Variants in PCDHGA1 observed in about 807,000 individuals in gnomAD.
The protein encoded by PCDHGA1 is protocadherin gamma subfamily A, 1.
PCDHGA1 carries 32 observed loss-of-function variants against 58.0 expected under a neutral mutation model. The observed-to-expected ratio is 0.55, with a 90% CI of 0.42 to 0.74. PCDHGA1 has a LOEUF of 0.74. Ranked by LOEUF, PCDHGA1 falls within the 30% of genes least tolerant of loss-of-function variation. The probability of loss-of-function intolerance (pLI) is 0.00; values close to 1 mark genes in which losing one functional copy is unlikely to be tolerated. For synonymous variants in PCDHGA1, 498 were observed against 501.1 expected (o/e 0.99, Z 0.08); for missense variants, 1,205 against 1,182.3 (o/e 1.02, Z -0.28).
At chr5:141,417,626 T>G in intron 1 of PCDHGA1, 2 of 689,576 alleles carry the variant, frequency 2.9e-6, no homozygotes, top group East Asian at 2.9e-5. Flanking sequence ...GAGCAAGCGC[T>G]GACGCCGGGG....
At chr5:141,375,581 C>A in intron 1 of PCDHGA1, 2 of 1,614,174 alleles carry the variant, frequency 1.2e-6, no homozygotes, top group Non-Finnish European at 8.5e-7. Context: ...CCAGGGGGCG[C>A]CCCTGTCCTC....
intron 1 of PCDHGA1, chr5:141,408,218 G>A: frequency 6.4e-7 from 1 of 1,557,454 alleles, no homozygotes; most frequent in South Asian, 1.2e-5. Context: ...AGGGAGCTGC[G>A]CGCAGAGGCG....
At chr5:141,445,575 G>A (rs571896159) in intron 1 of PCDHGA1, among the ~76,000 whole-genome samples, 18 of 152,262 alleles carry the variant, frequency 1.2e-4, no homozygotes, top group African/African-American at 4.3e-4. Flanking sequence ...CTTATAGTAG[G>A]GAAGCTTCGC....
At chr5:141,340,557 A>T (rs1416279472) in intron 1 of PCDHGA1, 1 of 1,614,102 alleles carries the variant, frequency 6.2e-7, no homozygotes, top group African/African-American at 1.3e-5. Flanking sequence ...CGAGACTTGC[A>T]AGTGTGGGTG....
intron 1 of PCDHGA1, among the ~76,000 whole-genome samples, chr5:141,451,435 G>T (rs947210577): frequency 6.6e-6 from 1 of 152,234 alleles, no homozygotes; most frequent in Non-Finnish European, 1.5e-5. Flanking sequence ...AAGGGTTCCA[G>T]TTCCTTGCTG....
chr5:141,384,753 G>A, intron 1 of PCDHGA1: 2 of 1,614,010 alleles, frequency 1.2e-6, no homozygotes, highest in Non-Finnish European at 1.7e-6. Flanking sequence ...GACTCTTTGC[G>A]GTTGGGCTGT....
At chr5:141,346,477 T>G (rs1757758102) in intron 1 of PCDHGA1, 4 of 1,613,540 alleles carry the variant, frequency 2.5e-6, no homozygotes, top group African/African-American at 1.3e-5. Flanking sequence ...TTTATTTCTT[T>G]GATTATTAAG....
At chr5:141,400,943 T>G (rs1253479872) in intron 1 of PCDHGA1, among the ~76,000 whole-genome samples, 1 of 152,260 alleles carries the variant, frequency 6.6e-6, no homozygotes, top group East Asian at 1.9e-4. Flanking sequence ...CTTTCTTCAC[T>G]GATTTCACTG....
At chr5:141,428,081 C>G (rs768842388) in intron 1 of PCDHGA1, 3 of 1,609,218 alleles carry the variant, frequency 1.9e-6, no homozygotes, top group South Asian at 2.2e-5. Context: ...CGGGACACAA[C>G]GCTTGGCTGT....
intron 1 of PCDHGA1, chr5:141,340,572 C>T (rs754851906): frequency 1.2e-5 from 20 of 1,614,118 alleles, no homozygotes; most frequent in Non-Finnish European, 1.2e-5. Context: ...TGGGTGATAG[C>T]GCGGGACAGC....
chr5:141,400,051 G>T, intron 1 of PCDHGA1: 1 of 1,613,762 alleles, frequency 6.2e-7, no homozygotes. Context: ...GCTGGTTGCT[G>T]TGCGTGATGG....
At chr5:141,396,104 A>T (rs1423560620) in intron 1 of PCDHGA1, 1 of 152,258 alleles carries the variant, frequency 6.6e-6, no homozygotes, top group African/African-American at 2.4e-5. Flanking sequence ...TGTTGATATT[A>T]AGAACCAATG....
In PCDHGA1 at chr5:141,477,815, G is replaced by C; in HGVS notation, c.2422-16992G>C. On this transcript the variant is annotated intron_variant, in intron 1 of 3. Coordinates refer to ENST00000517417, the MANE Select transcript of PCDHGA1 (RefSeq NM_018912.3). The surrounding 1 kb of genome is among the most constrained non-coding windows in gnomAD (Gnocchi z 4.9). ...TGATCGCAATGACAATGCCCCCCAG[G>C]TCCTATATCCTCGGCCAGGTGGGAG... 1 of 1,614,106 alleles carries C rather than the reference G, an allele frequency of 6.2e-7. No homozygotes were observed. Among genetic ancestry groups the C allele is most frequent in the Non-Finnish European group, 8.5e-7 (1 of 1,180,034 alleles).
intron 1 of PCDHGA1, chr5:141,371,983 T>C (rs1411843900): frequency 2.5e-6 from 4 of 1,613,106 alleles, no homozygotes; most frequent in Non-Finnish European, 3.4e-6. Flanking sequence ...GCCTTCGAGC[T>C]CACTCTGCAG....
At chr5:141,454,131 G>A (rs754465889) in intron 1 of PCDHGA1, among the ~76,000 whole-genome samples, 2 of 152,334 alleles carry the variant, frequency 1.3e-5, no homozygotes, top group South Asian at 2.1e-4. Flanking sequence ...AGCTGACCAT[G>A]GGAATGTTCA....
Position 141,383,402 on chromosome 5 carries a change from A to T in PCDHGA1, c.2421+50297A>T, listed in dbSNP as rs757890929. 4.3e-6 allele frequency: 7 copies of T among 1,614,034 alleles called. No individual in the cohort carries two copies. In the Admixed American group the frequency reaches 8.3e-5, roughly 19 times the overall value. The stretch of plus-strand genomic sequence containing the variant: ...CCAGATGTGGGCACGAACTCCCTCC[A>T]GAGTTACCAGCTCAGCCCCAATCGC... On this transcript the variant is annotated intron_variant, in intron 1 of 3. Transcript: ENST00000517417.
intron 1 of PCDHGA1, chr5:141,382,848 A>G (rs543706507): frequency 5.5e-4 from 813 of 1,490,648 alleles, no homozygotes; most frequent in Non-Finnish European, 6.7e-4. Flanking sequence ...ATACACCCGC[A>G]TTCTGAAGCA....
chr5:141,393,434 T>C (rs1554093883), intron 1 of PCDHGA1: 5 of 1,613,902 alleles, frequency 3.1e-6, no homozygotes, highest in South Asian at 1.1e-5. Flanking sequence ...AAGAGGCTGC[T>C]CACCACCTGG....
chr5:141,344,047 TGA>T (rs1326553890), intron 1 of PCDHGA1: 2 of 1,556,846 alleles, frequency 1.3e-6, no homozygotes, highest in African/African-American at 2.8e-5. Context: ...ACCAATTGCC[TGA>T]GTTTCCGAAA....
Sources: allele counts gnomAD v4.1 joint callset (sites outside exome capture counted in the v4.1 genomes callset), GRCh38; gene constraint gnomAD v4.1.1; non-coding constraint Gnocchi (gnomAD v3.1); transcripts MANE v1.5; gene names NCBI Gene and HGNC (gene_info 2026-07-23, HGNC 2026-07-21).